Variants in NUDT3 observed in about 807,000 individuals in gnomAD.
NUDT3 encodes diphosphoinositol polyphosphate phosphohydrolase 1.
NUDT3 carries 9 observed loss-of-function variants against 23.6 expected under a neutral mutation model. The observed-to-expected ratio is 0.38, with a 90% confidence interval of 0.23 to 0.66. NUDT3 has a LOEUF of 0.66. Ranked by LOEUF, NUDT3 falls within the 30% of genes least tolerant of loss-of-function variation. NUDT3 has a pLI of 0.52. For synonymous variants in NUDT3, 86 were observed against 82.6 expected (o/e 1.04, Z -0.22); for missense variants, 172 against 218.5 (o/e 0.79, Z 1.34).
At chr6:34,315,358 G>C (rs1763842537) in intron 2 of NUDT3, among the ~76,000 whole-genome samples, 1 of 152,152 alleles carries the variant, frequency 6.6e-6, no homozygotes, top group Admixed American at 6.5e-5. Flanking sequence ...TGTTCTTTCT[G>C]AAACATTTAA....
chr6:34,353,576 A>AT (rs1371977580), intron 1 of NUDT3, among the ~76,000 whole-genome samples: 1 of 150,970 alleles, frequency 6.6e-6, no homozygotes, highest in African/African-American at 2.4e-5. Flanking sequence ...TAATTTTTCT[A>AT]TTTTTTTGGT....
At chr6:34,355,682 G>GT (rs1011065436) in intron 1 of NUDT3, among the ~76,000 whole-genome samples, 6 of 107,028 alleles carry the variant, frequency 5.6e-5, no homozygotes, top group African/African-American at 2.2e-4. Context: ...CCCTACAGCT[G>GT]TTTTTTTGGG....
At chr6:34,327,128 A>G (rs1303050712) in intron 2 of NUDT3, among the ~76,000 whole-genome samples, 1 of 152,094 alleles carries the variant, frequency 6.6e-6, no homozygotes, top group Non-Finnish European at 1.5e-5. Context: ...ATGATTGATA[A>G]GGTCAAGCAA....
rs1765230002 is a variant in NUDT3 at position 34,392,650 on chromosome 6, G to C, written c.-288C>G. ...GACGACGACCGCGCCGCCATCTTGGGCGCGATGCGTCAGCGGCGTAAGGCT... is the reference window on the plus strand; with the variant it reads ...GACGACGACCGCGCCGCCATCTTGGCCGCGATGCGTCAGCGGCGTAAGGCT... On this transcript the variant is annotated 5_prime_UTR_variant, in exon 1 of 5. Transcript: ENST00000607016. 1 of 216,326 alleles carries C rather than the reference G, an allele frequency of 4.6e-6. No homozygotes were observed. Among genetic ancestry groups the C allele is most frequent in the Non-Finnish European group, 9.1e-6 (1 of 109,998 alleles). The allele number at this position is 216,326 out of a possible 1,614,324, so 13.4% of individuals were successfully genotyped here.
rs539980944 is a variant in NUDT3, at chr6:34,388,880, T to C, written c.99+3384A>G. Among the ~76,000 whole-genome samples the C allele has an allele frequency of 1.6e-4, 25 of 152,364 alleles. No individual in the cohort carries two copies. In the South Asian group the frequency reaches 5.0e-3, roughly 30 times the overall value. On this transcript the variant is annotated intron_variant, in intron 1 of 4. Coordinates refer to ENST00000607016, the MANE Select transcript of NUDT3 (RefSeq NM_006703.4). Reference sequence around the variant, plus strand: ...CCCACTGAATCTGTAATTTAAAGCTTTGCATGATTCCTCGGCTCATTAGCC... The same window carrying C: ...CCCACTGAATCTGTAATTTAAAGCTCTGCATGATTCCTCGGCTCATTAGCC...
chr6:34,339,207 G>C (rs1764254044), intron 2 of NUDT3, among the ~76,000 whole-genome samples: 1 of 152,200 alleles, frequency 6.6e-6, no homozygotes, highest in South Asian at 2.1e-4. Flanking sequence ...AAGCAATCTT[G>C]TTCAAGTGCT....
intron 1 of NUDT3, among the ~76,000 whole-genome samples, chr6:34,375,098 G>C (rs920224363): frequency 5.3e-5 from 8 of 152,154 alleles, no homozygotes; most frequent in Non-Finnish European, 1.2e-4. Flanking sequence ...TGTAATCCCA[G>C]CACTTTGGCC....
rs919517651 is a variant in NUDT3, at chr6:34,295,626, T to C, written c.255+15A>G. 1.2e-6 allele frequency: 2 copies of C among 1,613,648 alleles called. No homozygotes were observed. The highest frequency in any genetic ancestry group is 2.7e-5 in the African/African-American group (2 of 74,900). On this transcript the variant is annotated intron_variant, in intron 3 of 4. Transcript: ENST00000607016. Reference sequence around the variant, plus strand: ...TAATACATATCATTTGTACCAAAGATTTTAACAGACTTACCTCAAAAATTC... The same window carrying C: ...TAATACATATCATTTGTACCAAAGACTTTAACAGACTTACCTCAAAAATTC...
intron 2 of NUDT3, among the ~76,000 whole-genome samples, chr6:34,318,044 A>G (rs949222937): frequency 2.7e-4 from 41 of 152,330 alleles, no homozygotes; most frequent in African/African-American, 8.7e-4. Flanking sequence ...AACTTGCATC[A>G]AAAGCAAAAA....
In NUDT3 at chr6:34,285,858, G is replaced by A. The variant is rs1448069160; in HGVS notation, c.*2895C>T. 3 of 152,182 alleles carry A rather than the reference G, an allele frequency of 2.0e-5. No individual in the cohort carries two copies. The highest frequency in any genetic ancestry group is 6.5e-5 in the Admixed American group (1 of 15,274). The allele number at this position is 152,182 out of a possible 1,614,324, so 9.4% of individuals were successfully genotyped here. A position where few individuals can be genotyped will look rare whatever the true frequency, so the allele number is the denominator to read the frequency against. ...TGTTGGACAAAGCCTCTTTTTGTCA[G>A]TTAAGAAAGCGTAAGCACAATCTCT... On this transcript the variant is annotated 3_prime_UTR_variant, in exon 5 of 5. Transcript: ENST00000607016.
At chr6:34,371,128 A>C (rs948014576) in intron 1 of NUDT3, among the ~76,000 whole-genome samples, 3 of 150,832 alleles carry the variant, frequency 2.0e-5, no homozygotes, top group Non-Finnish European at 4.4e-5. Context: ...GAAAAAAAAA[A>C]GTCTAATACC....
intron 1 of NUDT3, among the ~76,000 whole-genome samples, chr6:34,385,925 C>A (rs557528143): frequency 6.6e-6 from 1 of 152,158 alleles, no homozygotes; most frequent in Non-Finnish European, 1.5e-5. Flanking sequence ...CTCATGTGAT[C>A]CGCCCACCTT....
chr6:34,373,151 C>T (rs573246465), intron 1 of NUDT3, among the ~76,000 whole-genome samples: 2 of 149,690 alleles, frequency 1.3e-5, no homozygotes, highest in South Asian at 2.1e-4. Flanking sequence ...TGGTGGCAGG[C>T]GCCTGTAGTC....
chr6:34,344,814 GTTAATTTT>G (rs1025525868), intron 1 of NUDT3, among the ~76,000 whole-genome samples: 1 of 147,780 alleles, frequency 6.8e-6, no homozygotes, highest in Non-Finnish European at 1.5e-5. Context: ...ACCACGCCCA[GTTAATTTT>G]TTGTGTTTTT....
At chr6:34,350,298 G>A (rs1216312197) in intron 1 of NUDT3, among the ~76,000 whole-genome samples, 2 of 150,532 alleles carry the variant, frequency 1.3e-5, no homozygotes, top group Non-Finnish European at 3.0e-5. Flanking sequence ...AATACTGCCA[G>A]AGTGCTCTGC....
At chr6:34,359,139 C>T (rs1367065459) in intron 1 of NUDT3, among the ~76,000 whole-genome samples, 2 of 152,028 alleles carry the variant, frequency 1.3e-5, no homozygotes, top group Non-Finnish European at 2.9e-5. Flanking sequence ...TTTGGGAGGC[C>T]GAGGTGGGCA....
chr6:34,294,020 C>A (rs1561897782), intron 3 of NUDT3, among the ~76,000 whole-genome samples: 1 of 152,112 alleles, frequency 6.6e-6, no homozygotes, highest in African/African-American at 2.4e-5. Context: ...GAGAGCCTTA[C>A]TTTGTCACCT....
intron 2 of NUDT3, among the ~76,000 whole-genome samples, chr6:34,302,139 C>T (rs1416806073): frequency 1.3e-5 from 2 of 151,860 alleles, no homozygotes; most frequent in Admixed American, 6.6e-5. Context: ...TCAAGCGATC[C>T]TCCTGCCTCA....
chr6:34,322,660 G>A (rs983553442), intron 2 of NUDT3, among the ~76,000 whole-genome samples: 1 of 152,222 alleles, frequency 6.6e-6, no homozygotes, highest in Non-Finnish European at 1.5e-5. Flanking sequence ...TTAAGGCCTA[G>A]TGAGGAAACA....
Sources: allele counts gnomAD v4.1 joint callset (sites outside exome capture counted in the v4.1 genomes callset), GRCh38; gene constraint gnomAD v4.1.1; transcripts MANE v1.5; gene names NCBI Gene and HGNC (gene_info 2026-07-23, HGNC 2026-07-21).